APIP: variants seen among roughly 807,000 people sequenced by gnomAD.
The protein encoded by APIP is APAF1 interacting protein.
Under a neutral mutation model 32.0 loss-of-function variants are expected in APIP, and 32 were observed. The observed-to-expected ratio is 1.00, with a 90% confidence interval of 0.76 to 1.34. The LOEUF is 1.34. Ranked by LOEUF, APIP falls within the 40% of genes most tolerant of loss-of-function variation. APIP has a pLI of 0.00. For missense variants in APIP, 247 were observed against 298.6 expected (o/e 0.83, Z 1.27); for synonymous variants, 92 against 94.8 (o/e 0.97, Z 0.17).
At chr11:34,883,590 G>A (rs1853009465) in intron 5 of APIP, 86 bp from the exon 6 acceptor site, 2 of 1,385,406 alleles carry the variant, frequency 1.4e-6, no homozygotes. Flanking sequence ...CAAGTAACCA[G>A]TTAGACATGC....
At chr11:34,904,983 G>A (rs1327974314) in intron 1 of APIP, among the ~76,000 whole-genome samples, 2 of 152,154 alleles carry the variant, frequency 1.3e-5, no homozygotes, top group African/African-American at 2.4e-5. Flanking sequence ...CTCTCCTTTT[G>A]AGATTCGCTG....
intron 1 of APIP, among the ~76,000 whole-genome samples, chr11:34,911,655 T>C (rs1035451917): frequency 1.3e-5 from 2 of 152,144 alleles, no homozygotes; most frequent in Non-Finnish European, 2.9e-5. Context: ...AACTAAACAA[T>C]GGGCCCATAA....
intron 6 of APIP, 25 bp downstream of exon 6, chr11:34,883,312 C>T: frequency 6.4e-7 from 1 of 1,565,116 alleles, no homozygotes; most frequent in Non-Finnish European, 8.7e-7. Flanking sequence ...TAACTTGTTC[C>T]CCATGTTCTC....
intron 3 of APIP, 113 bp from the exon 4 acceptor site, chr11:34,888,982 T>C (rs1305587478): frequency 5.9e-6 from 3 of 509,634 alleles, no homozygotes; most frequent in African/African-American, 4.0e-5. Context: ...ATCTATAGTA[T>C]ACATACTTGT....
In APIP at chr11:34,882,467, T is replaced by C. The variant is rs149040287; in HGVS notation, c.*250A>G. On this transcript the variant is annotated 3_prime_UTR_variant, in exon 7 of 7. Transcript: ENST00000395787. ...AAGAAATTAAAGGCAAATATTTTGCTGTTAAGGATTTAAAAATAAACAGAA... is the reference window on the plus strand; with the variant it reads ...AAGAAATTAAAGGCAAATATTTTGCCGTTAAGGATTTAAAAATAAACAGAA... The C allele has an allele frequency of 6.4e-4, 149 of 233,840 alleles. No individual in the cohort carries two copies. The highest frequency in any genetic ancestry group is 3.0e-3 in the African/African-American group (131 of 44,346). The allele number at this position is 233,840 out of a possible 1,614,324, so 14.5% of individuals were successfully genotyped here.
intron 2 of APIP, 55 bp downstream of exon 2, chr11:34,894,955 G>A: frequency 7.0e-7 from 1 of 1,437,898 alleles, no homozygotes; most frequent in East Asian, 2.3e-5. Flanking sequence ...CATTAGACTT[G>A]CTGTGGTCTA....
chr11:34,896,777 C>G, intron 1 of APIP: 1 of 1,285,170 alleles, frequency 7.8e-7, no homozygotes, highest in Non-Finnish European at 1.0e-6. Context: ...GAGAAGTGAG[C>G]GCCAAAGCCA....
In APIP at chr11:34,882,616, T is replaced by C. The variant is rs1852985218; in HGVS notation, c.*101A>G. 2 of 830,574 alleles carry C rather than the reference T, an allele frequency of 2.4e-6. No individual in the cohort carries two copies. Among genetic ancestry groups the C allele is most frequent in the Middle Eastern group, 3.8e-4 (1 of 2,628 alleles). 51.5% of individuals were successfully genotyped at this position (830,574 alleles called of 1,614,324 possible). A position where few individuals can be genotyped will look rare whatever the true frequency, so the allele number is the denominator to read the frequency against. On this transcript the variant is annotated 3_prime_UTR_variant, in exon 7 of 7. Coordinates refer to ENST00000395787, the MANE Select transcript of APIP (RefSeq NM_015957.4). ...TTTGCAGTATTTAGTGGCAAATTAG[T>C]AGCATCATGAAAAATTTCAATTCAT...
chr11:34,908,924 T>C (rs1853497845), intron 1 of APIP, among the ~76,000 whole-genome samples: 2 of 151,400 alleles, frequency 1.3e-5, no homozygotes, highest in African/African-American at 4.9e-5. Context: ...CTATATTTCA[T>C]GGATGATTGA....
intron 1 of APIP, among the ~76,000 whole-genome samples, chr11:34,903,709 C>T (rs777096403): frequency 7.2e-5 from 11 of 152,174 alleles, no homozygotes; most frequent in Non-Finnish European, 1.6e-4. Flanking sequence ...CATCAACACA[C>T]TTCACACCCC....
At chr11:34,915,979 T>C (rs1853671878) in intron 1 of APIP, 4 of 581,796 alleles carry the variant, frequency 6.9e-6, no homozygotes, top group Non-Finnish European at 1.2e-5. Context: ...GTTATTTGCT[T>C]CTTTCCAACG....
intron 1 of APIP, chr11:34,915,950 TA>T: frequency 1.8e-6 from 1 of 558,328 alleles, no homozygotes; most frequent in Non-Finnish European, 3.2e-6. Context: ...TGAGGTCACC[TA>T]AACGCTCTCC....
intron 1 of APIP, among the ~76,000 whole-genome samples, chr11:34,912,457 T>C (rs1853569705): frequency 6.6e-6 from 1 of 152,234 alleles, no homozygotes. Flanking sequence ...CCCAGTGTGA[T>C]GGTTAATACT....
rs1235033918 is a variant in APIP at position 34,888,813 on chromosome 11, T to A, written c.264A>T (p.Pro88=). Reference sequence around the variant, plus strand: ...ACTGGCTTTTTTTTAGCTTCTTCGATGGCGAAGGTCCACTTATGTCCTTTT... The same window carrying A: ...ACTGGCTTTTTTTTAGCTTCTTCGAAGGCGAAGGTCCACTTATGTCCTTTT... ...INEKDISGPS[P]SKKLKKSQCT... is the part of the protein sequence containing the mutation. The change falls in exon 4 of 7, where the codon CCA becomes CCT. Residue 88 remains proline, a synonymous_variant. Transcript: ENST00000395787. The A allele has an allele frequency of 2.6e-6, 4 of 1,523,036 alleles. No individual in the cohort carries two copies. Among genetic ancestry groups the A allele is most frequent in the Non-Finnish European group, 3.5e-6 (4 of 1,149,144 alleles). 94.3% of individuals were successfully genotyped at this position (1,523,036 alleles called of 1,614,324 possible). A position where few individuals can be genotyped will look rare whatever the true frequency, so the allele number is the denominator to read the frequency against.
intron 6 of APIP, 55 bp downstream of exon 6, chr11:34,883,282 C>T: frequency 1.3e-6 from 2 of 1,506,808 alleles, no homozygotes; most frequent in Non-Finnish European, 1.8e-6. Flanking sequence ...ACTTTGTTTT[C>T]CTTCACATTT....
chr11:34,900,881 C>T (rs935275562), intron 1 of APIP, among the ~76,000 whole-genome samples: 2 of 152,028 alleles, frequency 1.3e-5, no homozygotes, highest in Admixed American at 6.5e-5. Flanking sequence ...CCATGATAGA[C>T]CAAAGACCAA....
At position 34,888,912 on chromosome 11, in the gene APIP, A is replaced by C. The variant is rs564779514; in HGVS notation, c.208-43T>G. On this transcript the variant is annotated intron_variant, in intron 3 of 6. Transcript: ENST00000395787. The stretch of plus-strand genomic sequence containing the variant: ...AAAAAGAAAAAAAGAAGGCTTGTAA[A>C]ATATCAATTAGAAATGTTCCTTTTC... The C allele has an allele frequency of 4.3e-6, 5 of 1,160,012 alleles. No individual in the cohort carries two copies. In the East Asian group the frequency reaches 1.1e-4, roughly 26 times the overall value. The allele number at this position is 1,160,012 out of a possible 1,614,324, so 71.9% of individuals were successfully genotyped here. A position where few individuals can be genotyped will look rare whatever the true frequency, so the allele number is the denominator to read the frequency against.
Position 34,895,123 on chromosome 11 carries a change from G to C in APIP, c.58-13C>G. ...GATGCTCCTTGTCCTTAAAAAGAAGGTAATGATTTTTAAAACAGACATCAT... is the reference window on the plus strand; with the variant it reads ...GATGCTCCTTGTCCTTAAAAAGAAGCTAATGATTTTTAAAACAGACATCAT... On this transcript the variant is annotated splice_polypyrimidine_tract_variant and intron_variant, in intron 1 of 6. Coordinates refer to ENST00000395787, the MANE Select transcript of APIP (RefSeq NM_015957.4). The C allele has an allele frequency of 6.2e-7, 1 of 1,601,816 alleles. No homozygotes were observed. Among genetic ancestry groups the C allele is most frequent in the Non-Finnish European group, 8.6e-7 (1 of 1,168,968 alleles).
chr11:34,910,635 GTAA>G (rs1853531470), intron 1 of APIP, among the ~76,000 whole-genome samples: 1 of 152,172 alleles, frequency 6.6e-6, no homozygotes, highest in African/African-American at 2.4e-5. Context: ...TATTAAATAT[GTAA>G]TAATACCACT....
Sources: gnomAD v4.1 joint callset for allele counts (sites outside exome capture counted in the v4.1 genomes callset) on GRCh38, gnomAD v4.1.1 for gene constraint, MANE v1.5 for transcripts, NCBI Gene and HGNC (gene_info 2026-07-23, HGNC 2026-07-21) for gene names.